Variants in GLIS3 observed in about 807,000 individuals in gnomAD.
GLIS3 encodes zinc finger protein GLIS3.
A neutral mutation model predicts 78.6 loss-of-function variants in GLIS3; 53 were observed. The observed-to-expected ratio is 0.67, with a 90% CI of 0.54 to 0.85. The LOEUF (loss-of-function observed/expected upper bound fraction) is 0.85, where lower values mean the gene tolerates loss of function less well. Ranked by LOEUF, GLIS3 falls within the 40% of genes least tolerant of loss-of-function variation. The pLI is 0.00. For missense variants in GLIS3, 1,703 were observed against 1,231.1 expected (o/e 1.38, Z -5.74); for synonymous variants, 684 against 509.9 (o/e 1.34, Z -4.60).
intron 6 of GLIS3, among the ~76,000 whole-genome samples, chr9:3,907,494 G>A (rs1178896808): frequency 6.6e-6 from 1 of 151,958 alleles, no homozygotes; most frequent in Non-Finnish European, 1.5e-5. Context: ...CCCACCCAGC[G>A]CCCCTCTGAT....
chr9:3,998,333 A>T (rs1356710429), intron 4 of GLIS3, among the ~76,000 whole-genome samples: 1 of 152,176 alleles, frequency 6.6e-6, no homozygotes, highest in Non-Finnish European at 1.5e-5. Context: ...CAATGCACAG[A>T]GCTAGGAAAT....
intron 8 of GLIS3, among the ~76,000 whole-genome samples, chr9:3,868,463 T>TTACAAATGGTATTAA (rs1820752578): frequency 6.6e-6 from 1 of 152,218 alleles, no homozygotes; most frequent in Non-Finnish European, 1.5e-5. Flanking sequence ...AAAACTGTCT[T>TTACAAATGGTATTAA]TACAAATGGT....
At chr9:4,430,774 T>C in the GLIS3 span, among the ~76,000 whole-genome samples, 30 of 152,162 alleles carry the variant, frequency 2.0e-4, no homozygotes, top group African/African-American at 7.0e-4. Flanking sequence ...GATAAGCAGA[T>C]AAATGCTGTT....
chr9:3,867,592 C>A (rs1473037899), intron 8 of GLIS3, among the ~76,000 whole-genome samples: 2 of 152,304 alleles, frequency 1.3e-5, no homozygotes, highest in East Asian at 1.9e-4. Flanking sequence ...GGCCACCAAC[C>A]TTTTCTAATC....
At chr9:4,185,019 T>C (rs1235410642) in intron 2 of GLIS3, among the ~76,000 whole-genome samples, 2 of 152,230 alleles carry the variant, frequency 1.3e-5, no homozygotes, top group South Asian at 2.1e-4. Flanking sequence ...AGTAAACTTA[T>C]CAAGTTGTAT....
At chr9:4,426,300 A>C in the GLIS3 span, among the ~76,000 whole-genome samples, 1 of 152,186 alleles carries the variant, frequency 6.6e-6, no homozygotes, top group African/African-American at 2.4e-5. Flanking sequence ...CAGTGAGAGA[A>C]ATGTCACTTG....
intron 4 of GLIS3, among the ~76,000 whole-genome samples, chr9:3,951,171 A>G (rs1037748110): frequency 6.6e-6 from 1 of 152,342 alleles, no homozygotes; most frequent in East Asian, 1.9e-4. Context: ...CTAAATACAT[A>G]TGGTGCAATT....
chr9:4,017,933 T>C (rs1212317398), intron 4 of GLIS3, among the ~76,000 whole-genome samples: 1 of 152,136 alleles, frequency 6.6e-6, no homozygotes, highest in African/African-American at 2.4e-5. Context: ...TTGAAACTAA[T>C]GTCTTTTTAA....
chr9:4,156,950 A>G (rs1835087824), intron 2 of GLIS3, among the ~76,000 whole-genome samples: 1 of 152,138 alleles, frequency 6.6e-6, no homozygotes, highest in South Asian at 2.1e-4. Context: ...CTCCATATCT[A>G]CCGAATCAGA....
Position 3,977,286 on chromosome 9 carries a change from T to G in GLIS3, c.1711-40097A>C, listed in dbSNP as rs1373474140. Among the ~76,000 whole-genome samples, 2 of 152,204 alleles carry G rather than the reference T, an allele frequency of 1.3e-5. No homozygotes were observed. Among genetic ancestry groups the G allele is most frequent in the African/African-American group, 4.8e-5 (2 of 41,458 alleles). On this transcript the variant is annotated intron_variant, in intron 4 of 10. Transcript: ENST00000381971. This position sits in a 1 kb window ranked among gnomAD's most constrained non-coding sequence, Gnocchi z 4.1. Reference sequence around the variant, plus strand: ...TTTATACACCAAGCAATGTTTAAAATGTAAGGACCGAGAGGAAAGCTCTTG... The same window carrying G: ...TTTATACACCAAGCAATGTTTAAAAGGTAAGGACCGAGAGGAAAGCTCTTG...
intron 4 of GLIS3, among the ~76,000 whole-genome samples, chr9:3,955,689 G>A (rs149613067): frequency 0.011 from 1,633 of 152,194 alleles, 18 homozygotes; most frequent in Non-Finnish European, 0.016. Context: ...GTAGCAAAAT[G>A]TCAGATTAAT....
At chr9:4,285,124 G>A (rs1827875637) in intron 2 of GLIS3, among the ~76,000 whole-genome samples, 1 of 152,168 alleles carries the variant, frequency 6.6e-6, no homozygotes, top group Non-Finnish European at 1.5e-5. Context: ...ATTTGCTGGT[G>A]TAAGCATTTT....
chr9:4,306,933 T>G (rs1052837272), intron 4 of GLIS3, among the ~76,000 whole-genome samples: 4 of 152,242 alleles, frequency 2.6e-5, no homozygotes, highest in Non-Finnish European at 5.9e-5. Context: ...AATAACGTTA[T>G]CTCAGCAGAT....
intron 2 of GLIS3, among the ~76,000 whole-genome samples, chr9:4,227,482 G>T (rs1436890717): frequency 6.6e-6 from 1 of 152,036 alleles, no homozygotes; most frequent in Non-Finnish European, 1.5e-5. Flanking sequence ...CAAAATATGG[G>T]GCCGATCAGT....
At position 3,825,634 on chromosome 9, in the gene GLIS3, T is replaced by G. The variant is rs549702889; in HGVS notation, c.*2638A>C. 7.9e-5 allele frequency: 12 copies of G among 152,264 alleles called. No homozygotes were observed. The South Asian group carries it at 2.3e-3, about 29-fold the overall frequency. The allele number at this position is 152,264 out of a possible 1,614,324, so 9.4% of individuals were successfully genotyped here. A position where few individuals can be genotyped will look rare whatever the true frequency, so the allele number is the denominator to read the frequency against. Reference sequence around the variant, plus strand: ...GTTTCCACTTGTACTGCTGCAAAAATAATGATGAATATATATATAAATCTT... The same window carrying G: ...GTTTCCACTTGTACTGCTGCAAAAAGAATGATGAATATATATATAAATCTT... On this transcript the variant is annotated 3_prime_UTR_variant, in exon 11 of 11. Transcript: ENST00000381971.
the GLIS3 span, among the ~76,000 whole-genome samples, chr9:4,363,814 A>G: frequency 1.3e-5 from 2 of 152,214 alleles, no homozygotes; most frequent in Non-Finnish European, 2.9e-5. Flanking sequence ...AACCCTTAGT[A>G]CCAGCTAAAT....
At chr9:4,200,257 G>A (rs990885127) in intron 2 of GLIS3, among the ~76,000 whole-genome samples, 1 of 151,446 alleles carries the variant, frequency 6.6e-6, no homozygotes, top group Non-Finnish European at 1.5e-5. Flanking sequence ...AGAGAAACAA[G>A]AACAAACTAA....
At chr9:3,993,333 C>T (rs1312328519) in intron 4 of GLIS3, among the ~76,000 whole-genome samples, 1 of 152,144 alleles carries the variant, frequency 6.6e-6, no homozygotes. Flanking sequence ...GCCTGAAATT[C>T]AGTGGAATTC....
At chr9:4,211,716 G>A (rs1165296380) in intron 2 of GLIS3, among the ~76,000 whole-genome samples, 1 of 152,228 alleles carries the variant, frequency 6.6e-6, no homozygotes, top group Admixed American at 6.5e-5. Context: ...AGACTTGTAT[G>A]TGAATGTTCA....
Sources: allele counts gnomAD v4.1 joint callset (sites outside exome capture counted in the v4.1 genomes callset), GRCh38; gene constraint gnomAD v4.1.1; non-coding constraint Gnocchi (gnomAD v3.1); transcripts MANE v1.5; gene names NCBI Gene and HGNC (gene_info 2026-07-23, HGNC 2026-07-21).